Variants in NUDCD1 observed in about 807,000 individuals in gnomAD.
NUDCD1 encodes the protein nudC domain-containing protein 1.
A neutral mutation model predicts 67.8 loss-of-function variants in NUDCD1; 60 were observed. The ratio of observed to expected loss-of-function variants is 0.88; its 90% CI spans 0.72 to 1.10. The LOEUF (loss-of-function observed/expected upper bound fraction) is 1.10, where lower values mean the gene tolerates loss of function less well. Ranked by LOEUF, NUDCD1 falls within the 50% of genes least tolerant of loss-of-function variation. The probability of loss-of-function intolerance (pLI) is 0.00; values close to 1 mark genes in which losing one functional copy is unlikely to be tolerated. For missense variants in NUDCD1, 643 were observed against 695.0 expected (o/e 0.93, Z 0.84); for synonymous variants, 244 against 230.8 (o/e 1.06, Z -0.52).
chr8:109,323,541 A>G (rs752510621), intron 1 of NUDCD1, among the ~76,000 whole-genome samples: 6 of 152,094 alleles, frequency 3.9e-5, no homozygotes, highest in Non-Finnish European at 7.4e-5. Flanking sequence ...TTAAATTGTG[A>G]TAAAGAATAA....
At chr8:109,261,479 G>A (rs1813862903) in intron 8 of NUDCD1, among the ~76,000 whole-genome samples, 1 of 152,056 alleles carries the variant, frequency 6.6e-6, no homozygotes, top group Admixed American at 6.5e-5. Context: ...GAATACTCCA[G>A]ATTATGATTC....
At chr8:109,245,579 C>T in intron 8 of NUDCD1, 98 bp from the exon 9 acceptor site, 1 of 840,606 alleles carries the variant, frequency 1.2e-6, no homozygotes, top group Non-Finnish European at 1.9e-6. Context: ...GTGTCAGCAA[C>T]TGTTTTATAC....
intron 8 of NUDCD1, among the ~76,000 whole-genome samples, chr8:109,262,313 G>A (rs747788169): frequency 6.6e-6 from 1 of 152,192 alleles, no homozygotes; most frequent in Non-Finnish European, 1.5e-5. Context: ...TAAAACAGAA[G>A]CAGGCAGCCA....
chr8:109,318,803 T>A (rs1815462850), intron 2 of NUDCD1, among the ~76,000 whole-genome samples: 1 of 152,264 alleles, frequency 6.6e-6, no homozygotes, highest in South Asian at 2.1e-4. Context: ...AAGACCCTAT[T>A]CCAAAGCCAA....
chr8:109,276,938 T>C (rs189702768), intron 6 of NUDCD1, among the ~76,000 whole-genome samples: 239 of 152,214 alleles, frequency 1.6e-3, no homozygotes, highest in Non-Finnish European at 2.6e-3. Flanking sequence ...GCTAGGATTA[T>C]AGGTGTGAGC....
chr8:109,296,643 T>C (rs572783551), intron 2 of NUDCD1, 74 bp from the exon 3 acceptor site: 1 of 1,021,202 alleles, frequency 9.8e-7, no homozygotes, highest in African/African-American at 1.6e-5. Context: ...ATATCTGCGG[T>C]GTGGTGGTTT....
intron 1 of NUDCD1, among the ~76,000 whole-genome samples, chr8:109,324,603 G>A (rs376639906): frequency 1.3e-5 from 2 of 152,200 alleles, no homozygotes; most frequent in Admixed American, 6.5e-5. Context: ...AAGGAATACC[G>A]TCACTTCCAT....
intron 8 of NUDCD1, among the ~76,000 whole-genome samples, chr8:109,267,660 C>T (rs145559845): frequency 1.3e-5 from 2 of 152,246 alleles, no homozygotes; most frequent in African/African-American, 4.8e-5. Flanking sequence ...TAATTATACA[C>T]TAATTGAAGT....
intron 8 of NUDCD1, among the ~76,000 whole-genome samples, chr8:109,251,364 G>T (rs1302269404): frequency 2.0e-5 from 3 of 151,652 alleles, no homozygotes; most frequent in African/African-American, 4.8e-5. Context: ...GTAGAGACGG[G>T]GTTTCACCAT....
In NUDCD1 at chr8:109,324,406, TAAC is replaced by T. The variant is rs1319028323; in HGVS notation, c.119-1946_119-1944del. 3.4e-5 allele frequency among the ~76,000 whole-genome samples: 5 copies of T among 148,346 alleles called. No homozygotes were observed. In the East Asian group the frequency reaches 9.9e-4, roughly 29 times the overall value. On this transcript the variant is annotated intron_variant, in intron 1 of 9. Coordinates refer to ENST00000239690, the MANE Select transcript of NUDCD1 (RefSeq NM_032869.4). ...TTCAAAAAAATACAAAAAAAAAAAA[TAAC>T]AAATGCTGGCAAGGATGTGGAGAAA...
At chr8:109,264,471 T>C (rs917439779) in intron 8 of NUDCD1, among the ~76,000 whole-genome samples, 1 of 152,204 alleles carries the variant, frequency 6.6e-6, no homozygotes, top group Non-Finnish European at 1.5e-5. Flanking sequence ...TGAAATAGAT[T>C]AGCATTTGGA....
intron 3 of NUDCD1, 124 bp downstream of exon 3, chr8:109,296,260 A>G: frequency 1.3e-6 from 1 of 777,732 alleles, no homozygotes; most frequent in East Asian, 2.6e-5. Context: ...GATCCAAAAC[A>G]TTATATATCA....
chr8:109,272,057 G>T (rs149921218), intron 7 of NUDCD1, among the ~76,000 whole-genome samples: 3 of 151,914 alleles, frequency 2.0e-5, no homozygotes, highest in African/African-American at 7.2e-5. Flanking sequence ...AAGCTCTCAA[G>T]CCAGAAAAAA....
At chr8:109,276,974 T>A (rs1332738742) in intron 6 of NUDCD1, among the ~76,000 whole-genome samples, 2 of 152,036 alleles carry the variant, frequency 1.3e-5, no homozygotes, top group African/African-American at 2.4e-5. Flanking sequence ...CCAGACTGAG[T>A]TACATTTTCT....
intron 8 of NUDCD1, among the ~76,000 whole-genome samples, chr8:109,263,641 T>C (rs934919563): frequency 4.6e-5 from 7 of 152,184 alleles, no homozygotes; most frequent in African/African-American, 1.7e-4. Context: ...ATTAGTGCTG[T>C]TACTGTGTGA....
At position 109,332,883 on chromosome 8, in the gene NUDCD1, G is replaced by A. The variant is rs545468784; in HGVS notation, c.118+1010C>T. On this transcript the variant is annotated intron_variant, in intron 1 of 9. Coordinates refer to ENST00000239690, the MANE Select transcript of NUDCD1 (RefSeq NM_032869.4). Reference sequence around the variant, plus strand: ...ACTTAGATATTAACTCCTCCAAGACGCCTTCCCAGATCCCCAGACTAGTTT... The same window carrying A: ...ACTTAGATATTAACTCCTCCAAGACACCTTCCCAGATCCCCAGACTAGTTT... Among the ~76,000 whole-genome samples the A allele has an allele frequency of 3.3e-5, 5 of 152,220 alleles. No individual in the cohort carries two copies. In the South Asian group the frequency reaches 8.3e-4, roughly 25 times the overall value.
intron 9 of NUDCD1, 99 bp from the exon 10 acceptor site, chr8:109,243,400 A>G: frequency 1.0e-6 from 1 of 967,088 alleles, no homozygotes; most frequent in South Asian, 2.0e-5. Context: ...TTTATTACAA[A>G]TTAAAATGCC....
chr8:109,333,369 T>G (rs927155572), intron 1 of NUDCD1, among the ~76,000 whole-genome samples: 6 of 152,326 alleles, frequency 3.9e-5, no homozygotes, highest in Non-Finnish European at 8.8e-5. Context: ...CACTATCTTC[T>G]AGAGATGTTC....
chr8:109,298,338 A>G (rs1227634979), intron 2 of NUDCD1, among the ~76,000 whole-genome samples: 2 of 152,214 alleles, frequency 1.3e-5, no homozygotes, highest in African/African-American at 2.4e-5. Flanking sequence ...GTGGAGGTCA[A>G]TTAAGATAAA....
Sources: gnomAD v4.1 joint callset for allele counts (sites outside exome capture counted in the v4.1 genomes callset) on GRCh38, gnomAD v4.1.1 for gene constraint, MANE v1.5 for transcripts, NCBI Gene and HGNC (gene_info 2026-07-23, HGNC 2026-07-21) for gene names.